Variants in SHD observed in about 807,000 individuals in gnomAD.
The protein encoded by SHD is SH2 domain-containing adapter protein D.
Under a neutral mutation model 31.2 loss-of-function variants are expected in SHD, and 29 were observed. The ratio of observed to expected loss-of-function variants is 0.93; its 90% confidence interval spans 0.69 to 1.27. The LOEUF is 1.27. Ranked by LOEUF, SHD falls within the 50% of genes most tolerant of loss-of-function variation. The probability of loss-of-function intolerance (pLI) is 0.00; values close to 1 mark genes in which losing one functional copy is unlikely to be tolerated. For synonymous variants in SHD, 208 were observed against 187.8 expected (o/e 1.11, Z -0.88); for missense variants, 520 against 453.8 (o/e 1.15, Z -1.33).
intron 4 of SHD, among the ~76,000 whole-genome samples, chr19:4,286,247 C>CT (rs1481770167): frequency 0.022 from 2,367 of 108,892 alleles, 81 homozygotes; most frequent in Admixed American, 0.038. Flanking sequence ...TTCTTTCTTT[C>CT]TTTCTTTCTT....
chr19:4,283,439 C>A (rs918021447), intron 3 of SHD, among the ~76,000 whole-genome samples, 197 bp downstream of exon 3: 1 of 152,122 alleles, frequency 6.6e-6, no homozygotes, highest in Non-Finnish European at 1.5e-5. Context: ...TCCTTGGAAA[C>A]GCAAACACTT....
At chr19:4,282,323 G>C (rs777165198) in intron 1 of SHD, among the ~76,000 whole-genome samples, 90 of 152,134 alleles carry the variant, frequency 5.9e-4, no homozygotes, top group Non-Finnish European at 1.1e-3. Flanking sequence ...CAGAGACTGA[G>C]GCAGGAGAAT....
Position 4,283,041 on chromosome 19 carries a change from C to G in SHD, c.404-13C>G. 1 of 1,613,614 alleles carries G rather than the reference C, an allele frequency of 6.2e-7. No individual in the cohort carries two copies. The highest frequency in any genetic ancestry group is 8.5e-7 in the Non-Finnish European group (1 of 1,179,674). ...ATGGGAGCAGGAGCTGAACAGTGTC[C>G]CTGGCCTCCTAGAACTTCCCGGCAG... On this transcript the variant is annotated splice_polypyrimidine_tract_variant and intron_variant, in intron 2 of 5. Transcript: ENST00000543264.
rs566696347 is a variant in SHD, at chr19:4,288,415, C to T, written c.836+53C>T. ...GGGTCACAGGATTGCGTGAGTCACC[C>T]TTTTGGGTTAATTCAGAGGGAAGGG... On this transcript the variant is annotated intron_variant, in intron 5 of 5. Coordinates refer to ENST00000543264, the MANE Select transcript of SHD (RefSeq NM_020209.4). The T allele has an allele frequency of 1.9e-6, 3 of 1,549,348 alleles. No individual in the cohort carries two copies. In the Admixed American group the frequency reaches 5.7e-5, roughly 29 times the overall value.
chr19:4,285,850 TCCTC>T (rs1237616714), intron 4 of SHD, among the ~76,000 whole-genome samples: 1 of 143,134 alleles, frequency 7.0e-6, no homozygotes, highest in Admixed American at 7.1e-5. Context: ...GCCCGGCCCT[TCCTC>T]CTTCTCTTCT....
At position 4,282,989 on chromosome 19, in the gene SHD, GC is replaced by G; in HGVS notation, c.403+15del. 1 of 1,614,098 alleles carries G rather than the reference GC, an allele frequency of 6.2e-7. No homozygotes were observed. Among genetic ancestry groups the G allele is most frequent in the Non-Finnish European group, 8.5e-7 (1 of 1,180,000 alleles). Reference sequence around the variant, plus strand: ...GGGTCATGAGTGGTGAGTAGGCACGGCTTGGGGGAAGGTGACAGGGTCCCAG... The same window carrying G: ...GGGTCATGAGTGGTGAGTAGGCACGGTTGGGGGAAGGTGACAGGGTCCCAG... On this transcript the variant is annotated intron_variant, in intron 2 of 5. Transcript: ENST00000543264.
At position 4,288,352 on chromosome 19, in the gene SHD, T is replaced by G; in HGVS notation, c.826T>G (p.Leu276Val). 1 of 1,613,000 alleles carries G rather than the reference T, an allele frequency of 6.2e-7. No homozygotes were observed. The highest frequency in any genetic ancestry group is 1.1e-5 in the South Asian group (1 of 90,962). Residue 276 changes from leucine (L) to valine (V), a missense_variant, in exon 5 of 6, where the codon TTG becomes GTG. By Grantham distance (32) the Leu-to-Val change is conservative. Coordinates refer to ENST00000543264, the MANE Select transcript of SHD (RefSeq NM_020209.4). ...LSETNPQDCSLSLRSSQGFLH... is the reference protein window; with the variant it reads ...LSETNPQDCSVSLRSSQGFLH... ...TGAGACCAACCCCCAGGACTGCTCC[T>G]TGTCTCTCAGGTGAGAACTCAGCCT...
chr19:4,290,099 C>G (rs543305662), intron 5 of SHD, among the ~76,000 whole-genome samples: 162 of 150,226 alleles, frequency 1.1e-3, no homozygotes, highest in African/African-American at 2.7e-3. Flanking sequence ...TGGTCTCAAA[C>G]TCGTAACCTC....
chr19:4,283,163 C>G lies in SHD; in HGVS notation c.513C>G (p.Pro171=). 6.2e-7 allele frequency: 1 copy of G among 1,614,138 alleles called. No homozygotes were observed. Among genetic ancestry groups the G allele is most frequent in the South Asian group, 1.1e-5 (1 of 91,078 alleles). ...AGAAGCCTCGGCAGAGCCGGATGCC[C>G]CAGGAAGATGAACGGCCAGCAGATG... is the stretch of plus-strand genomic sequence containing the variant. The part of the protein sequence containing the change: ...SGQKPRQSRM[P]QEDERPADEY... Residue 171 remains proline, a synonymous_variant, in exon 3 of 6, where the codon CCC becomes CCG. Coordinates refer to ENST00000543264, the MANE Select transcript of SHD (RefSeq NM_020209.4).
At chr19:4,284,366 A>T (rs1470594930) in intron 3 of SHD, 1 of 156,552 alleles carries the variant, frequency 6.4e-6, no homozygotes, top group Non-Finnish European at 1.4e-5. Flanking sequence ...TGCAAACACG[A>T]CTTTGCCCCC....
rs1971238377 is a variant in SHD, at chr19:4,279,887, A to C, written c.-177A>C. On this transcript the variant is annotated 5_prime_UTR_variant, in exon 1 of 6. Transcript: ENST00000543264. This position sits in a 1 kb window ranked among gnomAD's most constrained non-coding sequence, Gnocchi z 7.5. ...CGCCTCCTTTTCCTCCCCCTCGTTC[A>C]CCTTTTCCTTCCCTCTATCCATCCA... The C allele has an allele frequency of 2.8e-6, 2 of 709,422 alleles. No homozygotes were observed. Among genetic ancestry groups the C allele is most frequent in the Non-Finnish European group, 4.5e-6 (2 of 444,270 alleles). The allele number at this position is 709,422 out of a possible 1,614,324, so 43.9% of individuals were successfully genotyped here. A position where few individuals can be genotyped will look rare whatever the true frequency, so the allele number is the denominator to read the frequency against.
Position 4,280,166 on chromosome 19 carries a change from C to A in SHD, c.103C>A (p.Arg35Ser). Residue 35 changes from arginine (R) to serine (S), a missense_variant, in exon 1 of 6, where the codon CGC becomes AGC. Coordinates refer to ENST00000543264, the MANE Select transcript of SHD (RefSeq NM_020209.4). ...CGAGAGCGACATCCTGAGGGCCTAC[C>A]GCGCGCAGAAGAACCTGGACTTCGA... ...YTESDILRAY[R>S]AQKNLDFEDP... is the part of the protein sequence containing the mutation. 1 of 1,613,948 alleles carries A rather than the reference C, an allele frequency of 6.2e-7. No individual in the cohort carries two copies. The highest frequency in any genetic ancestry group is 1.6e-4 in the Middle Eastern group (1 of 6,062).
At chr19:4,283,602 G>A (rs1421713645) in intron 3 of SHD, among the ~76,000 whole-genome samples, 2 of 151,600 alleles carry the variant, frequency 1.3e-5, no homozygotes, top group Non-Finnish European at 2.9e-5. Flanking sequence ...TCTTCCAGGC[G>A]GAGTCTCACT....
In SHD at chr19:4,284,902, G is replaced by A. The variant is rs759531467; in HGVS notation, c.714G>A (p.Gln238=). Residue 238 remains glutamine, a splice_region_variant and synonymous_variant, in exon 4 of 6, where the codon CAG becomes CAA. Transcript: ENST00000543264. The stretch of plus-strand genomic sequence containing the variant: ...ACCCAGCCCTGCCCCTGGAGAAACA[G>A]CCGTGAGTGGGGAAGCTGAAGGTGG... ...RVDPALPLEK[Q]PWFHGPLNRA... 1.3e-6 allele frequency: 2 copies of A among 1,590,726 alleles called. No individual in the cohort carries two copies.
chr19:4,280,546 T>A (rs113896681), intron 1 of SHD, among the ~76,000 whole-genome samples, 186 bp downstream of exon 1: 50 of 152,216 alleles, frequency 3.3e-4, no homozygotes, highest in Admixed American at 2.2e-3. Context: ...TTATTTATTT[T>A]GAGACAGTCT....
intron 4 of SHD, among the ~76,000 whole-genome samples, chr19:4,285,517 C>T (rs1055920074): frequency 2.0e-5 from 3 of 152,030 alleles, no homozygotes; most frequent in South Asian, 4.1e-4. Context: ...ACTCTGAGGC[C>T]GAGGGTGTGA....
chr19:4,282,813 C>T (rs1599511997), intron 1 of SHD, 57 bp from the exon 2 acceptor site: 1 of 1,489,698 alleles, frequency 6.7e-7, no homozygotes, highest in South Asian at 1.1e-5. Context: ...GGTGCAGCGT[C>T]AATTAGCAGG....
Position 4,282,829 on chromosome 19 carries a change from C to T in SHD, c.298-41C>T, listed in dbSNP as rs200054963. 3.2e-6 allele frequency: 5 copies of T among 1,576,620 alleles called. No individual in the cohort carries two copies. The South Asian group carries it at 4.5e-5, about 14-fold the overall frequency. ...GTGCAGCGTCAATTAGCAGGGAAGC[C>T]CCTCTGAGTCCTTGTCTTCTCCCCT... On this transcript the variant is annotated intron_variant, in intron 1 of 5. Coordinates refer to ENST00000543264, the MANE Select transcript of SHD (RefSeq NM_020209.4).
At chr19:4,286,306 TCCTTCCTTCCTA>T (rs1256572248) in intron 4 of SHD, among the ~76,000 whole-genome samples, 30 of 137,588 alleles carry the variant, frequency 2.2e-4, no homozygotes, top group Non-Finnish European at 2.4e-4. Context: ...CTTCCTTCCT[TCCTTCCTTCCTA>T]CCTTCCTTCC....
Sources: allele counts gnomAD v4.1 joint callset (sites outside exome capture counted in the v4.1 genomes callset), GRCh38; gene constraint gnomAD v4.1.1; non-coding constraint Gnocchi (gnomAD v3.1); transcripts MANE v1.5; gene names NCBI Gene and HGNC (gene_info 2026-07-23, HGNC 2026-07-21).